MCU: variants seen among roughly 807,000 people sequenced by gnomAD.
MCU encodes mitochondrial calcium uniporter, also known as calcium uniporter protein, mitochondrial.
Under a neutral mutation model 45.2 loss-of-function variants are expected in MCU, and 12 were observed. The ratio of observed to expected loss-of-function variants is 0.27; its 90% CI spans 0.17 to 0.43. The LOEUF (loss-of-function observed/expected upper bound fraction) is 0.43. Ranked by LOEUF, MCU falls within the 20% of genes least tolerant of loss-of-function variation. MCU has a pLI of 1.00. For synonymous variants in MCU, 160 were observed against 165.1 expected (o/e 0.97, Z 0.24); for missense variants, 324 against 436.7 (o/e 0.74, Z 2.30).
chr10:72,693,015 C>A (rs777047725), intron 1 of MCU: 32 of 1,535,982 alleles, frequency 2.1e-5, no homozygotes, highest in Admixed American at 7.8e-5. Flanking sequence ...AGCGTGTTCA[C>A]GCGTGCCTGA....
At chr10:72,745,577 A>G (rs1183413603) in intron 1 of MCU, among the ~76,000 whole-genome samples, 1 of 152,176 alleles carries the variant, frequency 6.6e-6, no homozygotes, top group African/African-American at 2.4e-5. Context: ...TGCTTCTTTC[A>G]TCACAGGGAT....
At chr10:72,715,253 T>C in intron 1 of MCU, 2 of 815,328 alleles carry the variant, frequency 2.5e-6, no homozygotes, top group Non-Finnish European at 3.0e-6. Context: ...CTATTTGGCA[T>C]GGTTTTTGCT....
chr10:72,873,523 C>T (rs112760144), intron 6 of MCU, among the ~76,000 whole-genome samples: 6 of 152,224 alleles, frequency 3.9e-5, no homozygotes, highest in African/African-American at 1.2e-4. Context: ...ATATGAATAG[C>T]TTTTGCAAAT....
chr10:72,694,465 A>T (rs1298732361), intron 1 of MCU, among the ~76,000 whole-genome samples: 3 of 152,342 alleles, frequency 2.0e-5, no homozygotes, highest in South Asian at 2.1e-4. Context: ...CTCCTCCCTT[A>T]TAAAATTTAC....
At chr10:72,752,943 A>G (rs1175428899) in intron 1 of MCU, among the ~76,000 whole-genome samples, 1 of 152,236 alleles carries the variant, frequency 6.6e-6, no homozygotes, top group African/African-American at 2.4e-5. Flanking sequence ...GAGAAGATGC[A>G]GTTATGCCAT....
At chr10:72,721,153 C>T (rs1843016294) in intron 1 of MCU, 1 of 154,164 alleles carries the variant, frequency 6.5e-6, no homozygotes, top group Non-Finnish European at 1.5e-5. Flanking sequence ...AATTAGTCTC[C>T]CTGCTTTTGT....
intron 2 of MCU, among the ~76,000 whole-genome samples, chr10:72,848,045 G>A (rs1259367658): frequency 6.6e-6 from 1 of 152,114 alleles, no homozygotes; most frequent in African/African-American, 2.4e-5. Context: ...GTATCATATT[G>A]GTTCTGCAGA....
chr10:72,752,451 T>TA (rs1446197984), intron 1 of MCU, among the ~76,000 whole-genome samples: 1 of 152,222 alleles, frequency 6.6e-6, no homozygotes, highest in African/African-American at 2.4e-5. Context: ...GAATGTGCTT[T>TA]ATGTCTAAAT....
At chr10:72,842,367 T>A (rs1845060689) in intron 2 of MCU, among the ~76,000 whole-genome samples, 1 of 152,238 alleles carries the variant, frequency 6.6e-6, no homozygotes, top group African/African-American at 2.4e-5. Flanking sequence ...TATTGAGTAG[T>A]GTTATGAAAT....
At position 72,796,728 on chromosome 10, in the gene MCU, A is replaced by G. The variant is rs373862761; in HGVS notation, c.151-37631A>G. On this transcript the variant is annotated intron_variant, in intron 1 of 7. Transcript: ENST00000373053. ...TTTTTTGTAGAGATGGGGTCTTGCT[A>G]TGTTGCCCAGACAGGTCTCAAATTC... Among the ~76,000 whole-genome samples the G allele has an allele frequency of 2.2e-3, 300 of 133,852 alleles. 1 individual carries two copies. The highest frequency in any genetic ancestry group is 7.6e-3 in the African/African-American group (278 of 36,342). 87.8% of individuals were successfully genotyped at this position (133,852 alleles called of 152,430 possible). A position where few individuals can be genotyped will look rare whatever the true frequency, so the allele number is the denominator to read the frequency against.
At chr10:72,742,968 G>A (rs1843356408) in intron 1 of MCU, among the ~76,000 whole-genome samples, 1 of 151,996 alleles carries the variant, frequency 6.6e-6, no homozygotes, top group African/African-American at 2.4e-5. Flanking sequence ...GTATCGAATG[G>A]ACATGTGAGA....
chr10:72,750,096 C>A (rs542299513), intron 1 of MCU, among the ~76,000 whole-genome samples: 1 of 152,148 alleles, frequency 6.6e-6, no homozygotes, highest in East Asian at 1.9e-4. Context: ...TTGCTACCTT[C>A]TTTTTGGAGA....
At chr10:72,703,135 G>A (rs1209574871) in intron 1 of MCU, among the ~76,000 whole-genome samples, 1 of 152,192 alleles carries the variant, frequency 6.6e-6, no homozygotes, top group Non-Finnish European at 1.5e-5. Flanking sequence ...TGGAGTATGC[G>A]CAAGAATAGC....
intron 1 of MCU, among the ~76,000 whole-genome samples, chr10:72,818,660 T>G (rs1201167408): frequency 2.6e-5 from 4 of 151,944 alleles, no homozygotes; most frequent in Admixed American, 6.6e-5. Context: ...GCCAACGTGG[T>G]GAAAACCCTG....
chr10:72,828,343 G>A (rs748483458), intron 1 of MCU, among the ~76,000 whole-genome samples: 3 of 152,180 alleles, frequency 2.0e-5, no homozygotes, highest in Non-Finnish European at 4.4e-5. Context: ...GCTGTTTGAT[G>A]TAGTTAATGT....
intron 1 of MCU, among the ~76,000 whole-genome samples, chr10:72,748,643 C>A (rs1319624082): frequency 6.6e-6 from 1 of 151,678 alleles, no homozygotes; most frequent in Non-Finnish European, 1.5e-5. Context: ...ATAGCAAGAC[C>A]CTGTCTCTAC....
At chr10:72,857,241 A>AC (rs150174418) in intron 2 of MCU, among the ~76,000 whole-genome samples, 8,335 of 148,020 alleles carry the variant, frequency 0.056, 771 homozygotes, top group African/African-American at 0.2. Flanking sequence ...TAGGGATTAA[A>AC]CCCCCCCCTT....
At position 72,859,209 on chromosome 10, in the gene MCU, G is replaced by C. The variant is rs759244096; in HGVS notation, c.253G>C (p.Val85Leu). 1 of 1,610,020 alleles carries C rather than the reference G, an allele frequency of 6.2e-7. No individual in the cohort carries two copies. Among genetic ancestry groups the C allele is most frequent in the Admixed American group, 1.7e-5 (1 of 59,050 alleles). The change falls in exon 3 of 8, where the codon GTG (valine) becomes CTG (leucine). Residue 85 changes from valine (V) to leucine (L), a missense_variant. Physicochemically the swap from Val to Leu is conservative, Grantham distance 32. Coordinates refer to ENST00000373053, the MANE Select transcript of MCU (RefSeq NM_138357.3). ...VTVVYQNGLPVISVRLPSRRE... is the reference protein window; with the variant it reads ...VTVVYQNGLPLISVRLPSRRE... ...AGTGGTTTATCAAAATGGGTTACCTGTGATATCTGTGAGGCTACCATCCCG... is the reference window on the plus strand; with the variant it reads ...AGTGGTTTATCAAAATGGGTTACCTCTGATATCTGTGAGGCTACCATCCCG...
At chr10:72,773,609 A>T (rs1421022283) in intron 1 of MCU, among the ~76,000 whole-genome samples, 1 of 152,202 alleles carries the variant, frequency 6.6e-6, no homozygotes, top group African/African-American at 2.4e-5. Flanking sequence ...CTTGAAAAAG[A>T]TAGAAATATC....
Sources: gnomAD v4.1 joint callset for allele counts (sites outside exome capture counted in the v4.1 genomes callset) on GRCh38, gnomAD v4.1.1 for gene constraint, MANE v1.5 for transcripts, NCBI Gene and HGNC (gene_info 2026-07-23, HGNC 2026-07-21) for gene names.